The following SETD2 variants were observed in gnomAD, a reference collection of about 807,000 sequenced individuals.
The protein encoded by SETD2 is SET domain containing 2, histone lysine methyltransferase, also known as histone-lysine N-methyltransferase SETD2.
SETD2 carries 31 observed loss-of-function variants against 242.1 expected under a neutral mutation model. The ratio of observed to expected loss-of-function variants is 0.13; its 90% CI spans 0.10 to 0.17. The LOEUF (loss-of-function observed/expected upper bound fraction) is 0.17. Among genes scored for constraint, SETD2 ranks in the 10% least tolerant of loss-of-function variants. SETD2 has a pLI of 1.00. For synonymous variants in SETD2, 1,006 were observed against 1,066.5 expected, an observed-to-expected ratio of 0.94 and a Z score of 1.11; for missense variants, 2,481 against 3,046.3, an observed-to-expected ratio of 0.81 and a Z score of 4.37.
At position 47,083,951 on chromosome 3, in the gene SETD2, G is replaced by C. The variant is rs369421455; in HGVS notation, c.5829C>G (p.Asn1943Lys). Residue 1943 changes from asparagine to lysine, a missense_variant, in exon 12 of 21, where the codon AAC becomes AAG. Asn to Lys is a moderately conservative substitution (Grantham distance 94). Around this residue, in one of 17 missense-constraint regions of SETD2, gnomAD observed 203 missense variants for 222.4 expected, o/e 0.91. Transcript: ENST00000409792. ...ATGTAGGTAGCTTACTAGCTTCTAT[G>C]TTGGTTTCACTATCAACTTTGCATT... Reference protein sequence around the residue: ...LPECKVDSETNIEASKLPTSE... With the variant: ...LPECKVDSETKIEASKLPTSE... 5.5e-5 allele frequency: 89 copies of C among 1,614,020 alleles called. No homozygotes were observed. The highest frequency in any genetic ancestry group is 3.3e-4 in the Middle Eastern group (2 of 6,084).
intron 16 of SETD2, among the ~76,000 whole-genome samples, chr3:47,045,903 GTAGC>G (rs1481154029): frequency 4.0e-5 from 6 of 149,618 alleles, no homozygotes; most frequent in Admixed American, 2.0e-4. Context: ...AGCCTCCTGA[GTAGC>G]TGGGACTACA....
At chr3:47,161,965 T>C (rs1697500169) in intron 1 of SETD2, among the ~76,000 whole-genome samples, 1 of 151,332 alleles carries the variant, frequency 6.6e-6, no homozygotes. Flanking sequence ...ATAATCACTG[T>C]TAGAAATCCA....
At chr3:47,093,127 G>A (rs76878836) in intron 9 of SETD2, among the ~76,000 whole-genome samples, 10,384 of 151,880 alleles carry the variant, frequency 0.068, 1,184 homozygotes, top group African/African-American at 0.23. Flanking sequence ...TGTTACATAG[G>A]TATATAAAAT....
At chr3:47,119,835 C>A in intron 3 of SETD2, 1 of 474,556 alleles carries the variant, frequency 2.1e-6, no homozygotes. Flanking sequence ...TCTCTAAGTA[C>A]AGATTATTTT....
intron 14 of SETD2, among the ~76,000 whole-genome samples, chr3:47,058,787 G>A (rs2040196968): frequency 6.6e-6 from 1 of 151,804 alleles, no homozygotes; most frequent in African/African-American, 2.4e-5. Flanking sequence ...GACTACAAAG[G>A]GGCACAGGGG....
intron 5 of SETD2, among the ~76,000 whole-genome samples, chr3:47,107,730 T>G (rs1025875472): frequency 0.029 from 821 of 28,552 alleles, 6 homozygotes; most frequent in Non-Finnish European, 0.057. Context: ...CGGGGGGGGG[T>G]GGGGGGGGGG....
chr3:47,095,656 AGAGACATGTGCAAAG>A, intron 9 of SETD2, among the ~76,000 whole-genome samples: 1 of 152,330 alleles, frequency 6.6e-6, no homozygotes, highest in Non-Finnish European at 1.5e-5. Flanking sequence ...CATGTGCAAA[AGAGACATGTGCAAAG>A]ATACTAACTT....
chr3:47,054,948 A>G (rs1286493605), intron 15 of SETD2, among the ~76,000 whole-genome samples: 1 of 152,156 alleles, frequency 6.6e-6, no homozygotes, highest in Non-Finnish European at 1.5e-5. Flanking sequence ...TAAGGAATTG[A>G]GTCAAATCTC....
intron 18 of SETD2, among the ~76,000 whole-genome samples, chr3:47,034,325 T>A (rs1022474059): frequency 6.6e-6 from 1 of 152,168 alleles, no homozygotes; most frequent in Non-Finnish European, 1.5e-5. Flanking sequence ...CTCTTTATAA[T>A]CTCCCGTTCC....
In SETD2 at chr3:47,121,998, C is replaced by A. The variant is rs2106666324; in HGVS notation, c.2638G>T (p.Ala880Ser). The change falls in exon 3 of 21, where the codon GCT becomes TCT. Residue 880 changes from alanine (A) to serine (S), a missense_variant. This residue lies in a region of SETD2 where 1,300 missense variants were observed against 1,259.2 expected (regional missense o/e 1.03). Transcript: ENST00000409792. Reference sequence around the variant, plus strand: ...GGTGGAAGACTCTGAAGAGATGAAGCAATACCTGAACTCCCAATAGGTTGA... The same window carrying A: ...GGTGGAAGACTCTGAAGAGATGAAGAAATACCTGAACTCCCAATAGGTTGA... ...LYQPIGSSGI[A>S]SSLQSLPPGI... 1 of 1,613,924 alleles carries A rather than the reference C, an allele frequency of 6.2e-7. No homozygotes were observed. Among genetic ancestry groups the A allele is most frequent in the Non-Finnish European group, 8.5e-7 (1 of 1,179,958 alleles).
In SETD2 at chr3:47,073,711, T is replaced by A. The variant is rs568901133; in HGVS notation, c.6061-6593A>T. 3.9e-5 allele frequency among the ~76,000 whole-genome samples: 6 copies of A among 152,252 alleles called. No individual in the cohort carries two copies. The East Asian group carries it at 9.6e-4, about 24-fold the overall frequency. On this transcript the variant is annotated intron_variant, in intron 12 of 20. Coordinates refer to ENST00000409792, the MANE Select transcript of SETD2 (RefSeq NM_014159.7). ...AAATGGGTGAAGAATATGAACAAAG[T>A]TCTTAAAGTAGGAAATACAAACAGA... is the stretch of plus-strand genomic sequence containing the variant.
rs74627514 is a variant in SETD2 at position 47,104,657 on chromosome 3, A to G, written c.4840-1234T>C. 3.6e-3 allele frequency among the ~76,000 whole-genome samples: 545 copies of G among 152,368 alleles called. 4 individuals carry two copies. The highest frequency in any genetic ancestry group is 0.013 in the African/African-American group (520 of 41,586). ...CATCAACAGGTTCTTTGAAACTGCAACTTACAAAAGCAAAACAACATACAA... is the reference window on the plus strand; with the variant it reads ...CATCAACAGGTTCTTTGAAACTGCAGCTTACAAAAGCAAAACAACATACAA... On this transcript the variant is annotated intron_variant, in intron 6 of 20. Transcript: ENST00000409792.
At chr3:47,118,690 T>C (rs1225700443) in intron 3 of SETD2, among the ~76,000 whole-genome samples, 4 of 151,210 alleles carry the variant, frequency 2.6e-5, no homozygotes, top group Non-Finnish European at 5.9e-5. Flanking sequence ...AAGTTAAATA[T>C]ATATAAATCC....
chr3:47,042,944 CA>C lies in SETD2; in HGVS notation c.7099-245del, dbSNP rs1434579655. Among the ~76,000 whole-genome samples, 5 of 151,066 alleles carry C rather than the reference CA, an allele frequency of 3.3e-5. No individual in the cohort carries two copies. In the East Asian group the frequency reaches 9.8e-4, roughly 29 times the overall value. ...ATACCATATAGTTTATCATATAGAG[CA>C]GCATTTTTCAACTTTAAAACACCAA... is the stretch of plus-strand genomic sequence containing the variant. On this transcript the variant is annotated intron_variant, in intron 16 of 20. Transcript: ENST00000409792.
intron 1 of SETD2, among the ~76,000 whole-genome samples, chr3:47,134,338 G>A (rs1190079452): frequency 1.3e-5 from 2 of 152,182 alleles, no homozygotes; most frequent in East Asian, 1.9e-4. Flanking sequence ...ATATTCAAGA[G>A]TTAAACTTCC....
rs1299536482 is a variant in SETD2 at position 47,120,242 on chromosome 3, T to C, written c.4394A>G (p.Lys1465Arg). The C allele has an allele frequency of 6.3e-7, 1 of 1,596,964 alleles. No individual in the cohort carries two copies. The highest frequency in any genetic ancestry group is 8.5e-7 in the Non-Finnish European group (1 of 1,173,264). The change falls in exon 3 of 21, where the codon AAG (lysine) becomes AGG (arginine). Residue 1465 changes from lysine to arginine, a missense_variant. Coordinates refer to ENST00000409792, the MANE Select transcript of SETD2 (RefSeq NM_014159.7). ...RDPQRWKECAKQGKMPCYFDL... is the reference protein window; with the variant it reads ...RDPQRWKECARQGKMPCYFDL... ...AAAGTAACATGGCATTTTCCCTTGC[T>C]TGGCACATTCCTTCCATCGCTGTGG...
intron 13 of SETD2, chr3:47,064,498 C>T (rs1254869677): frequency 5.1e-6 from 1 of 196,376 alleles, no homozygotes; most frequent in Non-Finnish European, 1.2e-5. Context: ...GTATAAATTT[C>T]CTTAAAATGT....
At chr3:47,105,410 TA>T (rs11391574) in intron 6 of SETD2, among the ~76,000 whole-genome samples, 90 of 122,596 alleles carry the variant, frequency 7.3e-4, no homozygotes, top group Middle Eastern at 9.6e-3. Flanking sequence ...ACACTATCTC[TA>T]AAAAAAAAAA....
At chr3:47,042,774 C>G (rs554909020) in intron 16 of SETD2, 74 bp from the exon 17 acceptor site, 1 of 1,321,756 alleles carries the variant, frequency 7.6e-7, no homozygotes, top group Non-Finnish European at 1.0e-6. Flanking sequence ...AAATAGCCCA[C>G]TTAAATATGT....
Sources: allele counts gnomAD v4.1 joint callset (sites outside exome capture counted in the v4.1 genomes callset), GRCh38; gene constraint gnomAD v4.1.1; regional missense constraint gnomAD v4.1.1; transcripts MANE v1.5; gene names NCBI Gene and HGNC (gene_info 2026-07-23, HGNC 2026-07-21).